ARB2A: variants seen among roughly 807,000 people sequenced by gnomAD.
The protein encoded by ARB2A is cotranscriptional regulator ARB2A.
the ARB2A span, among the ~76,000 whole-genome samples, chr5:93,695,966 A>T: frequency 1.3e-5 from 2 of 152,106 alleles, no homozygotes; most frequent in African/African-American, 4.8e-5. Context: ...GTTCTCACTT[A>T]TAAGTGGGAG....
chr5:93,851,506 GGTTA>G, the ARB2A span, among the ~76,000 whole-genome samples: 2 of 152,090 alleles, frequency 1.3e-5, no homozygotes, highest in African/African-American at 2.4e-5. Flanking sequence ...ACAATGTGCA[GGTTA>G]GTTACACATG....
chr5:93,952,845 T>C, the ARB2A span, among the ~76,000 whole-genome samples: 1 of 152,190 alleles, frequency 6.6e-6, no homozygotes, highest in Non-Finnish European at 1.5e-5. Context: ...CTTCTAGGCA[T>C]GTTTCATTCT....
At chr5:93,804,638 G>A in the ARB2A span, among the ~76,000 whole-genome samples, 1 of 151,722 alleles carries the variant, frequency 6.6e-6, no homozygotes, top group Non-Finnish European at 1.5e-5. Flanking sequence ...GTTAATGCTT[G>A]CTTATTAGCC....
At chr5:94,054,689 AGAG>A in the ARB2A span, among the ~76,000 whole-genome samples, 1 of 152,162 alleles carries the variant, frequency 6.6e-6, no homozygotes. Context: ...TCAGGGAAAA[AGAG>A]GAGGAATTAT....
chr5:94,025,563 T>A, the ARB2A span, among the ~76,000 whole-genome samples: 6 of 151,780 alleles, frequency 4.0e-5, no homozygotes, highest in Admixed American at 1.3e-4. Flanking sequence ...AGTAAGGAAT[T>A]ACAGTAATCT....
At chr5:93,798,227 T>C in the ARB2A span, among the ~76,000 whole-genome samples, 7 of 152,092 alleles carry the variant, frequency 4.6e-5, no homozygotes, top group Non-Finnish European at 8.8e-5. Flanking sequence ...ACCATACTAC[T>C]TTCTGTCACT....
the ARB2A span, chr5:93,741,470 G>C: frequency 1.2e-6 from 2 of 1,613,534 alleles, no homozygotes; most frequent in African/African-American, 1.3e-5. Context: ...AACCAGGTCA[G>C]AGTGTCAACC....
chr5:93,771,678 T>A, the ARB2A span, among the ~76,000 whole-genome samples: 83 of 152,272 alleles, frequency 5.5e-4, 1 homozygote, highest in African/African-American at 1.8e-3. Context: ...AAGAAGACAT[T>A]TATGCAGCCA....
At chr5:93,800,381 T>TCTCACACA in the ARB2A span, among the ~76,000 whole-genome samples, 1 of 140,960 alleles carries the variant, frequency 7.1e-6, no homozygotes, top group Admixed American at 7.1e-5. Flanking sequence ...CTGCATATTT[T>TCTCACACA]CACACACACA....
chr5:93,744,002 GT>G, the ARB2A span, among the ~76,000 whole-genome samples: 2 of 152,112 alleles, frequency 1.3e-5, no homozygotes, highest in African/African-American at 4.8e-5. Context: ...CAGGAAAAAG[GT>G]TCATTAGTGG....
the ARB2A span, among the ~76,000 whole-genome samples, chr5:93,829,524 T>C: frequency 6.6e-6 from 1 of 152,236 alleles, no homozygotes; most frequent in Admixed American, 6.5e-5. Context: ...TGAGGAGCTG[T>C]ATTGTAATTA....
chr5:93,630,470 G>A, the ARB2A span, among the ~76,000 whole-genome samples: 2,813 of 152,306 alleles, frequency 0.018, 43 homozygotes, highest in Non-Finnish European at 0.028. Flanking sequence ...AGTTTGACCA[G>A]AGATAATAGG....
the ARB2A span, among the ~76,000 whole-genome samples, chr5:94,034,969 C>G: frequency 6.6e-6 from 1 of 152,314 alleles, no homozygotes; most frequent in African/African-American, 2.4e-5. Context: ...GAGAATCTAA[C>G]TAACGCTTGA....
the ARB2A span, among the ~76,000 whole-genome samples, chr5:94,095,001 CCTG>C: frequency 6.6e-6 from 1 of 152,194 alleles, no homozygotes; most frequent in Non-Finnish European, 1.5e-5. Context: ...ACGTCATTCT[CCTG>C]CTTTCTGTTT....
chr5:93,907,945 G>C, the ARB2A span, among the ~76,000 whole-genome samples: 2 of 151,156 alleles, frequency 1.3e-5, no homozygotes, highest in East Asian at 1.9e-4. Flanking sequence ...AATACTTTTT[G>C]AGAAGGCAAA....
the ARB2A span, among the ~76,000 whole-genome samples, chr5:93,955,995 G>C: frequency 2.0e-5 from 3 of 152,320 alleles, no homozygotes; most frequent in African/African-American, 7.2e-5. Flanking sequence ...CACAATCAGA[G>C]GCTGAATAAT....
chr5:93,913,671 A>C, the ARB2A span, among the ~76,000 whole-genome samples: 1 of 152,066 alleles, frequency 6.6e-6, no homozygotes, highest in African/African-American at 2.4e-5. Context: ...GGCATAATAA[A>C]ATTCCCAGAC....
chr5:93,883,732 G>A, the ARB2A span, among the ~76,000 whole-genome samples: 1 of 151,478 alleles, frequency 6.6e-6, no homozygotes, highest in East Asian at 1.9e-4. Context: ...GCTAAACAGG[G>A]TGAAATAGAG....
the ARB2A span, among the ~76,000 whole-genome samples, chr5:93,981,482 A>G: frequency 6.6e-6 from 1 of 152,002 alleles, no homozygotes; most frequent in East Asian, 1.9e-4. Context: ...GTACTTAACA[A>G]ATTTTTGTTG....
Sources: allele counts gnomAD v4.1 joint callset (sites outside exome capture counted in the v4.1 genomes callset), GRCh38; gene constraint gnomAD v4.1.1; transcripts MANE v1.5; gene names NCBI Gene and HGNC (gene_info 2026-07-23, HGNC 2026-07-21).